Variants in PCDH9 observed in about 807,000 individuals in gnomAD.
The protein encoded by PCDH9 is protocadherin 9, also known as protocadherin-9.
In PCDH9, 24 loss-of-function variants were observed where a neutral mutation model predicts 70.6. That is an observed-to-expected ratio of 0.34 (90% confidence interval 0.25 to 0.48). PCDH9 has a LOEUF of 0.48. PCDH9 is among the 20% of genes least tolerant of loss of function. The probability of loss-of-function intolerance (pLI) is 0.99; values close to 1 mark genes in which losing one functional copy is unlikely to be tolerated. For missense variants in PCDH9, 1,281 were observed against 1,503.6 expected (o/e 0.85, Z 2.45); for synonymous variants, 562 against 558.5 (o/e 1.01, Z -0.09).
chr13:67,006,195 C>A lies in PCDH9; in HGVS notation c.3037-102590G>T, dbSNP rs192275756. Among the ~76,000 whole-genome samples the A allele has an allele frequency of 4.6e-5, 7 of 152,236 alleles. No individual in the cohort carries two copies. The East Asian group carries it at 1.4e-3, about 29-fold the overall frequency. On this transcript the variant is annotated intron_variant, in intron 2 of 4. Coordinates refer to ENST00000377865, the MANE Select transcript of PCDH9 (RefSeq NM_203487.3). ...TGAGCGGAGATCGTGCCACTGCACT[C>A]CAGCCTGGGCGACAGAGAGAGACTC...
At chr13:67,138,747 A>G (rs1357491662) in intron 2 of PCDH9, among the ~76,000 whole-genome samples, 1 of 152,148 alleles carries the variant, frequency 6.6e-6, no homozygotes, top group Non-Finnish European at 1.5e-5. Context: ...CATTTTGTCC[A>G]ATTCTTTGTT....
intron 4 of PCDH9, among the ~76,000 whole-genome samples, chr13:66,555,889 T>TTATA (rs548245359): frequency 3.4e-5 from 5 of 147,804 alleles, no homozygotes; most frequent in African/African-American, 1.2e-4. Flanking sequence ...TATTGAAGTT[T>TTATA]TATATATATA....
chr13:66,602,779 G>A (rs2077179217), intron 4 of PCDH9, among the ~76,000 whole-genome samples: 1 of 145,690 alleles, frequency 6.9e-6, no homozygotes, highest in South Asian at 2.2e-4. Context: ...GACTCACCCA[G>A]AGCAACTTCC....
intron 2 of PCDH9, among the ~76,000 whole-genome samples, chr13:67,145,371 A>AT (rs987785846): frequency 1.3e-5 from 2 of 151,738 alleles, no homozygotes; most frequent in African/African-American, 2.4e-5. Flanking sequence ...ACCTTGTCAA[A>AT]TTTTTTTTGT....
chr13:67,046,726 G>A (rs948989302), intron 2 of PCDH9, among the ~76,000 whole-genome samples: 1 of 151,944 alleles, frequency 6.6e-6, no homozygotes, highest in African/African-American at 2.4e-5. Flanking sequence ...AAATGACTAT[G>A]CCATAATATA....
chr13:67,167,940 A>T (rs2088169631), intron 2 of PCDH9, among the ~76,000 whole-genome samples: 1 of 152,310 alleles, frequency 6.6e-6, no homozygotes, highest in South Asian at 2.1e-4. Context: ...GAACAAGGGA[A>T]AAGGAAACAG....
chr13:67,096,102 A>G lies in PCDH9; in HGVS notation c.3036+129303T>C, dbSNP rs77739676. Reference sequence around the variant, plus strand: ...AATAGATTTTTCTTCAGATACCCGAATAGAGAACTTACCATATTTTGGGGA... The same window carrying G: ...AATAGATTTTTCTTCAGATACCCGAGTAGAGAACTTACCATATTTTGGGGA... On this transcript the variant is annotated intron_variant, in intron 2 of 4. Transcript: ENST00000377865. Among the ~76,000 whole-genome samples the G allele has an allele frequency of 7.6e-4, 116 of 152,308 alleles. 3 individuals are homozygous for G. The East Asian group carries it at 0.018, about 24-fold the overall frequency.
chr13:66,887,037 ACACACACACACAC>A (rs2082016456), intron 3 of PCDH9, among the ~76,000 whole-genome samples: 1 of 5,774 alleles, frequency 1.7e-4, no homozygotes, highest in African/African-American at 4.4e-4. Context: ...ATATAATAAC[ACACACACACACAC>A]ACACACACAC....
intron 4 of PCDH9, among the ~76,000 whole-genome samples, chr13:66,450,943 G>A (rs1958195317): frequency 6.6e-6 from 1 of 152,164 alleles, no homozygotes; most frequent in African/African-American, 2.4e-5. Flanking sequence ...CGTGAACCCA[G>A]GAGGCAGAGC....
chr13:66,924,565 T>C (rs2082687231), intron 2 of PCDH9, among the ~76,000 whole-genome samples: 1 of 151,718 alleles, frequency 6.6e-6, no homozygotes, highest in African/African-American at 2.4e-5. Flanking sequence ...AAAGAACATA[T>C]ATAAGAAATT....
intron 2 of PCDH9, among the ~76,000 whole-genome samples, chr13:67,193,355 A>T (rs942187235): frequency 6.6e-6 from 1 of 151,832 alleles, no homozygotes; most frequent in African/African-American, 2.4e-5. Flanking sequence ...ACACACACAC[A>T]CACACACACA....
At chr13:66,330,638 A>AG (rs1593808961) in intron 4 of PCDH9, among the ~76,000 whole-genome samples, 1 of 144,090 alleles carries the variant, frequency 6.9e-6, no homozygotes, top group Non-Finnish European at 1.5e-5. Flanking sequence ...ACAAACTTCC[A>AG]GAAAAAAAAA....
intron 4 of PCDH9, among the ~76,000 whole-genome samples, chr13:66,547,614 C>A (rs1303709612): frequency 1.3e-5 from 2 of 151,900 alleles, no homozygotes; most frequent in Non-Finnish European, 2.9e-5. Flanking sequence ...TAAATATGCC[C>A]ATGATAGTTC....
At chr13:66,870,449 C>T (rs569091150) in intron 3 of PCDH9, among the ~76,000 whole-genome samples, 2 of 152,112 alleles carry the variant, frequency 1.3e-5, no homozygotes, top group Non-Finnish European at 2.9e-5. Flanking sequence ...AGTGAACAGG[C>T]AACCTACAAA....
At chr13:66,694,679 A>G (rs1308768457) in intron 3 of PCDH9, among the ~76,000 whole-genome samples, 1 of 151,656 alleles carries the variant, frequency 6.6e-6, no homozygotes, top group Admixed American at 6.6e-5. Context: ...TTTATAAAAT[A>G]TAAAAATAAC....
intron 4 of PCDH9, among the ~76,000 whole-genome samples, chr13:66,564,986 T>A (rs1270907185): frequency 1.3e-5 from 2 of 152,038 alleles, no homozygotes; most frequent in African/African-American, 4.8e-5. Flanking sequence ...GGGGAGAATA[T>A]TCTTCCCTTA....
chr13:67,108,736 ATATT>A (rs1370327781), intron 2 of PCDH9, among the ~76,000 whole-genome samples: 45 of 152,230 alleles, frequency 3.0e-4, no homozygotes, highest in Middle Eastern at 3.2e-3. Flanking sequence ...AGTGGGTACT[ATATT>A]TAATGACTAG....
Position 67,125,836 on chromosome 13 carries a change from T to TAC in PCDH9, c.3036+99568_3036+99569insGT, listed in dbSNP as rs1165188277. ...TAATTAATTTAAAAATGTGTGTATA[T>TAC]ATATATGTGTGTGTGTGTGTGTGTG... On this transcript the variant is annotated intron_variant, in intron 2 of 4. Coordinates refer to ENST00000377865, the MANE Select transcript of PCDH9 (RefSeq NM_203487.3). Among the ~76,000 whole-genome samples, 8 of 146,308 alleles carry TAC rather than the reference T, an allele frequency of 5.5e-5. No homozygotes were observed. In the South Asian group the frequency reaches 1.8e-3, roughly 33 times the overall value.
intron 2 of PCDH9, among the ~76,000 whole-genome samples, chr13:67,027,181 T>C (rs2084800369): frequency 6.6e-6 from 1 of 152,046 alleles, no homozygotes; most frequent in African/African-American, 2.4e-5. Context: ...AAGGCTACAG[T>C]AACCAAAACA....
Sources: gnomAD v4.1 joint callset for allele counts (sites outside exome capture counted in the v4.1 genomes callset) on GRCh38, gnomAD v4.1.1 for gene constraint, MANE v1.5 for transcripts, NCBI Gene and HGNC (gene_info 2026-07-23, HGNC 2026-07-21) for gene names.